Variants in GLI3 observed in about 807,000 individuals in gnomAD.
The protein encoded by GLI3 is GLI family zinc finger 3, also known as transcription activator GLI3.
GLI3 carries 20 observed loss-of-function variants against 100.8 expected under a neutral mutation model. The ratio of observed to expected loss-of-function variants is 0.20; its 90% CI spans 0.14 to 0.29. The LOEUF is 0.29. GLI3 is among the 10% of genes least tolerant of loss of function. The probability of loss-of-function intolerance (pLI) is 1.00; values close to 1 mark genes in which losing one functional copy is unlikely to be tolerated. For missense variants in GLI3, 2,040 were observed against 2,128.5 expected, an observed-to-expected ratio of 0.96 and a Z score of 0.82; for synonymous variants, 938 against 860.5, an observed-to-expected ratio of 1.09 and a Z score of -1.58.
intron 2 of GLI3, among the ~76,000 whole-genome samples, chr7:42,201,514 A>G (rs940617355): frequency 2.0e-5 from 3 of 152,216 alleles, no homozygotes; most frequent in African/African-American, 7.2e-5. Flanking sequence ...TAGCGCAAAG[A>G]AACCAGAAGT....
chr7:42,138,666 A>G (rs1786488342), intron 3 of GLI3, among the ~76,000 whole-genome samples: 1 of 152,214 alleles, frequency 6.6e-6, no homozygotes, highest in Non-Finnish European at 1.5e-5. Flanking sequence ...AAACAGGCTT[A>G]TTCCACGAAA....
At chr7:42,119,781 G>C (rs1254524915) in intron 3 of GLI3, among the ~76,000 whole-genome samples, 2 of 152,220 alleles carry the variant, frequency 1.3e-5, no homozygotes, top group East Asian at 3.9e-4. Flanking sequence ...AGTGACACAG[G>C]GGCCTGACTT....
intron 3 of GLI3, among the ~76,000 whole-genome samples, chr7:42,119,926 T>G (rs951222122): frequency 9.9e-5 from 15 of 152,170 alleles, no homozygotes; most frequent in African/African-American, 3.6e-4. Flanking sequence ...CCCGGGGATG[T>G]GTTCCAGATG....
At chr7:42,246,805 C>CTTTGTTTTTTTTTTTTTTTTTTT (rs1788980263) in intron 1 of GLI3, among the ~76,000 whole-genome samples, 1 of 94,996 alleles carries the variant, frequency 1.1e-5, no homozygotes, top group African/African-American at 4.3e-5. Context: ...ATGATAGAAT[C>CTTTGTTTTTTTTTTTTTTTTTTT]TTTTTTTTTT....
Position 42,036,132 on chromosome 7 carries a change from T to C in GLI3, c.1028+3906A>G, listed in dbSNP as rs557732001. ...ATAGTAGTCTGGATTATTAAGTAAA[T>C]ATATAAACAAAAGAACCACACACAA... On this transcript the variant is annotated intron_variant, in intron 7 of 14. Transcript: ENST00000395925. 1.7e-3 allele frequency among the ~76,000 whole-genome samples: 262 copies of C among 152,324 alleles called. 1 individual carries two copies. Among genetic ancestry groups the C allele is most frequent in the African/African-American group, 6.0e-3 (251 of 41,574 alleles).
intron 4 of GLI3, among the ~76,000 whole-genome samples, chr7:42,068,974 C>T (rs1331656628): frequency 6.6e-6 from 1 of 152,110 alleles, no homozygotes; most frequent in Admixed American, 6.6e-5. Context: ...TGAAGCCAGG[C>T]TTAACATGAG....
In GLI3 at chr7:41,965,279, G is replaced by C; in HGVS notation, c.3794C>G (p.Pro1265Arg). 3 of 1,613,662 alleles carry C rather than the reference G, an allele frequency of 1.9e-6. No individual in the cohort carries two copies. Among genetic ancestry groups the C allele is most frequent in the Non-Finnish European group, 1.7e-6 (2 of 1,179,698 alleles). Residue 1265 changes from proline (P) to arginine (R), a missense_variant, in exon 15 of 15, where the codon CCT (proline) becomes CGT (arginine). Around this residue, in one of 5 missense-constraint regions of GLI3, gnomAD observed 1,041 missense variants for 924.0 expected, o/e 1.13. Transcript: ENST00000395925. The part of the protein sequence containing the change: ...GNCLNRQPVA[P>R]GALDGACGAG... ...ACCACAGGCACCGTCGAGTGCACCA[G>C]GGGCCACTGGCTGCCTGTTGAGACA...
chr7:41,980,595 A>G (rs919236874), intron 10 of GLI3, among the ~76,000 whole-genome samples: 2 of 152,172 alleles, frequency 1.3e-5, no homozygotes, highest in Non-Finnish European at 2.9e-5. Context: ...AGGGAAAGAA[A>G]AAAGGAAGGA....
rs1583505834 is a variant in GLI3 at position 42,045,432 on chromosome 7, T to A, written c.778A>T (p.Thr260Ser). 10 of 1,613,648 alleles carry A rather than the reference T, an allele frequency of 6.2e-6. No individual in the cohort carries two copies. The highest frequency in any genetic ancestry group is 8.5e-6 in the Non-Finnish European group (10 of 1,179,650). ...PYADIIPSAA[T>S]AGTGAIHMEY... ...ATGTGGATGGCCCCCGTGCCGGCGG[T>A]GGCAGCTGAGGGAATAATGTCTGCA... is the stretch of plus-strand genomic sequence containing the variant. The change falls in exon 6 of 15, where the codon ACC (threonine) becomes TCC (serine). Residue 260 changes from threonine (T) to serine (S), a missense_variant. Thr to Ser is a moderately conservative substitution (Grantham distance 58). Coordinates refer to ENST00000395925, the MANE Select transcript of GLI3 (RefSeq NM_000168.6).
chr7:42,014,061 C>A (rs374364658), intron 10 of GLI3, among the ~76,000 whole-genome samples: 2 of 152,224 alleles, frequency 1.3e-5, no homozygotes, highest in African/African-American at 4.8e-5. Flanking sequence ...TTTCAAATAA[C>A]TTCCACTGCA....
chr7:42,246,805 CTTTTTTTTT>C (rs71006467), intron 1 of GLI3, among the ~76,000 whole-genome samples: 19 of 94,992 alleles, frequency 2.0e-4, no homozygotes, highest in African/African-American at 5.2e-4. Context: ...ATGATAGAAT[CTTTTTTTTT>C]TTTTTTTTTT....
intron 2 of GLI3, chr7:42,151,995 C>T (rs1472553739): frequency 1.3e-5 from 2 of 152,182 alleles, no homozygotes; most frequent in African/African-American, 2.4e-5. Flanking sequence ...AAGCAGGACT[C>T]GAACACGCAC....
chr7:41,998,965 C>T (rs1043685509), intron 10 of GLI3, among the ~76,000 whole-genome samples: 8 of 152,250 alleles, frequency 5.3e-5, no homozygotes, highest in South Asian at 2.1e-4. Flanking sequence ...GTGATGGGCA[C>T]GTGCACTGAG....
chr7:42,236,256 G>A (rs1281849621), intron 1 of GLI3, among the ~76,000 whole-genome samples: 1 of 152,188 alleles, frequency 6.6e-6, no homozygotes, highest in Non-Finnish European at 1.5e-5. Context: ...ACTGTCCCCT[G>A]CTGCTCTGTG....
intron 10 of GLI3, among the ~76,000 whole-genome samples, chr7:42,015,480 A>G (rs1430531429): frequency 6.6e-6 from 1 of 152,166 alleles, no homozygotes; most frequent in African/African-American, 2.4e-5. Flanking sequence ...TTAAAAAAAA[A>G]GTCCTCGCAT....
intron 9 of GLI3, among the ~76,000 whole-genome samples, chr7:42,024,533 A>G (rs1358616814): frequency 6.6e-6 from 1 of 152,246 alleles, no homozygotes; most frequent in Non-Finnish European, 1.5e-5. Flanking sequence ...AGCAAGGTCC[A>G]GATTCTGTGG....
At chr7:41,992,652 A>G (rs1005196794) in intron 10 of GLI3, among the ~76,000 whole-genome samples, 5 of 152,216 alleles carry the variant, frequency 3.3e-5, no homozygotes, top group Admixed American at 2.6e-4. Context: ...CGAGACCGGT[A>G]TTTTAAGAGA....
chr7:42,205,600 G>T (rs986603681), intron 2 of GLI3, among the ~76,000 whole-genome samples: 2 of 152,142 alleles, frequency 1.3e-5, no homozygotes, highest in Non-Finnish European at 2.9e-5. Flanking sequence ...AATATAAGAG[G>T]TGTTTACATT....
At position 41,965,554 on chromosome 7, in the gene GLI3, G is replaced by A. The variant is rs1450595049; in HGVS notation, c.3519C>T (p.Ser1173=). The change falls in exon 15 of 15, where the codon TCC becomes TCT. Residue 1173 remains serine, a synonymous_variant. Transcript: ENST00000395925. ...GCGGCCCACACTTGAGCTTGGAGGA[G>A]GACAGGTCGGCGCTTCCGGAGCTGA... The part of the protein sequence containing the change: ...NEVSSGSADL[S]SSKLKCGPRP... 1.2e-6 allele frequency: 2 copies of A among 1,605,506 alleles called. No homozygotes were observed. Among genetic ancestry groups the A allele is most frequent in the African/African-American group, 2.7e-5 (2 of 74,860 alleles).
Sources: allele counts gnomAD v4.1 joint callset (sites outside exome capture counted in the v4.1 genomes callset), GRCh38; gene constraint gnomAD v4.1.1; regional missense constraint gnomAD v4.1.1; transcripts MANE v1.5; gene names NCBI Gene and HGNC (gene_info 2026-07-23, HGNC 2026-07-21).